Variants in SORCS3 observed in about 807,000 individuals in gnomAD.
The protein encoded by SORCS3 is VPS10 domain-containing receptor SorCS3.
A neutral mutation model predicts 146.3 loss-of-function variants in SORCS3; 57 were observed. That is an observed-to-expected ratio of 0.39 (90% confidence interval 0.31 to 0.49). SORCS3 has a LOEUF of 0.49. Among genes scored for constraint, SORCS3 ranks in the 20% least tolerant of loss-of-function variants. SORCS3 has a pLI of 0.92. For missense variants in SORCS3, 1,341 were observed against 1,575.5 expected (o/e 0.85, Z 2.52); for synonymous variants, 653 against 618.5 (o/e 1.06, Z -0.83).
At position 104,693,501 on chromosome 10, in the gene SORCS3, A is replaced by AT. The variant is rs536845603; in HGVS notation, c.627+51549dup. Among the ~76,000 whole-genome samples the AT allele has an allele frequency of 3.9e-5, 6 of 152,300 alleles. No individual in the cohort carries two copies. In the South Asian group the frequency reaches 1.2e-3, roughly 32 times the overall value. On this transcript the variant is annotated intron_variant, in intron 1 of 26. Transcript: ENST00000369701. ...CAACCAATATACTGCACTTTCTTTC[A>AT]TTCTGACTTTTCCTGCTGCATTTTG... is the stretch of plus-strand genomic sequence containing the variant.
chr10:104,695,762 G>C (rs34884299), intron 1 of SORCS3, among the ~76,000 whole-genome samples: 31,920 of 150,954 alleles, frequency 0.21, 3,726 homozygotes, highest in Non-Finnish European at 0.27. Context: ...TATTTTTCTA[G>C]ATCCGTATAT....
intron 2 of SORCS3, among the ~76,000 whole-genome samples, chr10:104,910,938 G>C (rs892097348): frequency 6.6e-6 from 1 of 152,246 alleles, no homozygotes; most frequent in Non-Finnish European, 1.5e-5. Flanking sequence ...GGGCACTGGT[G>C]TCATGGCTCC....
At position 105,071,973 on chromosome 10, in the gene SORCS3, G is replaced by C. The variant is rs567680585; in HGVS notation, c.1029-17802G>C. On this transcript the variant is annotated intron_variant, in intron 5 of 26. Transcript: ENST00000369701. ...TTCAGATAGCCCTTGAAGATGCAAG[G>C]TTCCTGGGTCTCTTGGTGTAAAGAC... Among the ~76,000 whole-genome samples, 7 of 152,122 alleles carry C rather than the reference G, an allele frequency of 4.6e-5. No individual in the cohort carries two copies. In the South Asian group the frequency reaches 6.2e-4, roughly 14 times the overall value.
At chr10:104,967,313 C>T (rs2054831326) in intron 3 of SORCS3, among the ~76,000 whole-genome samples, 1 of 152,036 alleles carries the variant, frequency 6.6e-6, no homozygotes, top group African/African-American at 2.4e-5. Flanking sequence ...ATATATAAAA[C>T]ACTAAAATAT....
At chr10:104,804,770 C>T (rs2133512865) in intron 1 of SORCS3, among the ~76,000 whole-genome samples, 1 of 152,294 alleles carries the variant, frequency 6.6e-6, no homozygotes, top group East Asian at 1.9e-4. Flanking sequence ...TTTAGGAAAC[C>T]AGAATAGATG....
chr10:104,911,723 GATGCTTTCCTTA>G (rs1200587646), intron 2 of SORCS3, among the ~76,000 whole-genome samples: 7 of 152,290 alleles, frequency 4.6e-5, no homozygotes, highest in African/African-American at 1.7e-4. Context: ...GCTTGACAAA[GATGCTTTCCTTA>G]ACCAAACTTG....
Position 105,043,853 on chromosome 10 carries a change from G to C in SORCS3, c.1028+725G>C, listed in dbSNP as rs181584266. Among the ~76,000 whole-genome samples the C allele has an allele frequency of 4.9e-3, 739 of 152,194 alleles. 2 individuals carry two copies. Among genetic ancestry groups the C allele is most frequent in the Non-Finnish European group, 6.7e-3 (457 of 67,992 alleles). On this transcript the variant is annotated intron_variant, in intron 5 of 26. Coordinates refer to ENST00000369701, the MANE Select transcript of SORCS3 (RefSeq NM_014978.3). ...GAATATAAGCCCTTCCTCCTAATCA[G>C]GAAGTGTTTTATTAATTAGTATTCC...
At chr10:105,045,310 C>G (rs548329127) in intron 5 of SORCS3, among the ~76,000 whole-genome samples, 2 of 152,264 alleles carry the variant, frequency 1.3e-5, no homozygotes, top group South Asian at 4.1e-4. Context: ...GTCCCTAGGT[C>G]CTGATAATTG....
intron 3 of SORCS3, among the ~76,000 whole-genome samples, chr10:104,940,230 ATATATATATTTTTTTTTTT>A (rs1273425637): frequency 8.4e-5 from 2 of 23,946 alleles, no homozygotes; most frequent in African/African-American, 1.6e-4. Flanking sequence ...ATATATATAT[ATATATATATTTTTTTTTTT>A]TTTTTTATTA....
chr10:105,038,322 G>A (rs2055318956), intron 4 of SORCS3, among the ~76,000 whole-genome samples: 1 of 152,192 alleles, frequency 6.6e-6, no homozygotes, highest in African/African-American at 2.4e-5. Flanking sequence ...AAGCCATGCA[G>A]GACTGTATAA....
chr10:105,047,752 G>T lies in SORCS3; in HGVS notation c.1028+4624G>T, dbSNP rs571704381. 7.9e-5 allele frequency among the ~76,000 whole-genome samples: 12 copies of T among 152,156 alleles called. No individual in the cohort carries two copies. In the East Asian group the frequency reaches 1.9e-3, roughly 25 times the overall value. On this transcript the variant is annotated intron_variant, in intron 5 of 26. Transcript: ENST00000369701. ...GGGCTGTAGGTCTTTATTGTACTTT[G>T]CTTAAGGCCGGCTTACACACTATGG...
chr10:104,777,012 TG>T (rs1158688863), intron 1 of SORCS3, among the ~76,000 whole-genome samples: 6 of 29,770 alleles, frequency 2.0e-4, no homozygotes, highest in African/African-American at 7.9e-4. Flanking sequence ...ATGGGGGTGG[TG>T]GGGGGTGGAG....
At chr10:104,773,362 C>T (rs577453832) in intron 1 of SORCS3, among the ~76,000 whole-genome samples, 1 of 152,344 alleles carries the variant, frequency 6.6e-6, no homozygotes, top group East Asian at 1.9e-4. Flanking sequence ...CAGTGGTATG[C>T]TGTTGCCTAG....
intron 4 of SORCS3, among the ~76,000 whole-genome samples, chr10:104,999,967 C>CT (rs35891563): frequency 4.0e-5 from 6 of 151,462 alleles, no homozygotes; most frequent in East Asian, 3.9e-4. Context: ...CCTCCAAAAA[C>CT]TTTTTTTTTC....
chr10:105,171,225 C>T (rs1295663893), intron 13 of SORCS3, among the ~76,000 whole-genome samples: 1 of 152,132 alleles, frequency 6.6e-6, no homozygotes, highest in Non-Finnish European at 1.5e-5. Flanking sequence ...TGATAGGTAG[C>T]CAGATAGGCG....
intron 18 of SORCS3, among the ~76,000 whole-genome samples, chr10:105,215,622 T>C (rs1336718117): frequency 6.6e-6 from 1 of 152,200 alleles, no homozygotes; most frequent in Non-Finnish European, 1.5e-5. Flanking sequence ...AAACCTTCTC[T>C]TGAATGGGTG....
chr10:104,800,763 A>G (rs1270753218), intron 1 of SORCS3, among the ~76,000 whole-genome samples: 1 of 152,230 alleles, frequency 6.6e-6, no homozygotes, highest in Non-Finnish European at 1.5e-5. Context: ...AGGAACCTGC[A>G]TCTGAAACAA....
intron 1 of SORCS3, 67 bp downstream of exon 1, chr10:104,642,021 G>GGGGA: frequency 2.7e-6 from 1 of 369,176 alleles, no homozygotes. Flanking sequence ...GGGGTGGGTG[G>GGGGA]GAGCGAGGGA....
chr10:105,215,557 C>T (rs561257327), intron 18 of SORCS3, among the ~76,000 whole-genome samples: 5 of 152,300 alleles, frequency 3.3e-5, no homozygotes, highest in African/African-American at 9.6e-5. Flanking sequence ...CTTTAAGATT[C>T]AGAGGAGGTC....
Sources: allele counts gnomAD v4.1 joint callset (sites outside exome capture counted in the v4.1 genomes callset), GRCh38; gene constraint gnomAD v4.1.1; transcripts MANE v1.5; gene names NCBI Gene and HGNC (gene_info 2026-07-23, HGNC 2026-07-21).